Variants in R3HDM1 observed in about 807,000 individuals in gnomAD.
The protein encoded by R3HDM1 is R3H domain containing 1.
Under a neutral mutation model 141.1 loss-of-function variants are expected in R3HDM1, and 46 were observed. The observed-to-expected ratio is 0.33, with a 90% CI of 0.26 to 0.42. The LOEUF is 0.42. R3HDM1 is among the 10% of genes least tolerant of loss of function. The pLI, the probability that R3HDM1 is intolerant of heterozygous loss-of-function variation, is 1.00. For missense variants in R3HDM1, 1,184 were observed against 1,368.3 expected, an observed-to-expected ratio of 0.87 and a Z score of 2.12; for synonymous variants, 435 against 472.9, an observed-to-expected ratio of 0.92 and a Z score of 1.04.
chr2:135,712,428 ATTTT>A (rs34713048), intron 23 of R3HDM1, among the ~76,000 whole-genome samples: 1 of 104,032 alleles, frequency 9.6e-6, no homozygotes. Context: ...TGCCCAACTA[ATTTT>A]TTTTTTTTTT....
intron 15 of R3HDM1, among the ~76,000 whole-genome samples, chr2:135,643,972 G>A (rs570963568): frequency 6.6e-6 from 1 of 152,214 alleles, no homozygotes; most frequent in South Asian, 2.1e-4. Context: ...GAAGGTGGAG[G>A]GTGGGAGGAA....
At chr2:135,562,311 TG>T (rs1354839108) in intron 1 of R3HDM1, among the ~76,000 whole-genome samples, 6 of 152,248 alleles carry the variant, frequency 3.9e-5, no homozygotes, top group African/African-American at 1.4e-4. Context: ...ATAGGATATT[TG>T]GTCAAGAACT....
chr2:135,667,295 T>TA (rs200284798), intron 19 of R3HDM1: 10,014 of 858,468 alleles, frequency 0.012, 78 homozygotes, highest in Admixed American at 0.03. Flanking sequence ...CTAGTTCTCT[T>TA]AGCTTGCAGA....
At chr2:135,690,086 C>T (rs2105376983) in intron 21 of R3HDM1, among the ~76,000 whole-genome samples, 1 of 152,076 alleles carries the variant, frequency 6.6e-6, no homozygotes, top group Non-Finnish European at 1.5e-5. Context: ...AAAAGAAAAC[C>T]TACTTTTAAG....
chr2:135,581,584 T>C (rs1022709653), intron 1 of R3HDM1, among the ~76,000 whole-genome samples: 4 of 152,206 alleles, frequency 2.6e-5, no homozygotes, highest in African/African-American at 4.8e-5. Flanking sequence ...ATTTGCTTAA[T>C]GCTTGTTTAC....
chr2:135,597,371 A>G, intron 1 of R3HDM1: 2 of 700,488 alleles, frequency 2.9e-6, no homozygotes, highest in Non-Finnish European at 3.5e-6. Context: ...ACTGTTTACA[A>G]ATCACATGCA....
chr2:135,551,793 G>A (rs1220867842), intron 1 of R3HDM1, among the ~76,000 whole-genome samples: 1 of 152,096 alleles, frequency 6.6e-6, no homozygotes, highest in African/African-American at 2.4e-5. Context: ...AATTTTTTGA[G>A]TGAAATGTCA....
chr2:135,723,278 C>T (rs1189796652), intron 26 of R3HDM1, among the ~76,000 whole-genome samples: 2 of 151,664 alleles, frequency 1.3e-5, no homozygotes, highest in African/African-American at 2.4e-5. Context: ...CCCACCAGCA[C>T]GCCCAGCTAA....
At chr2:135,633,422 A>G (rs979757557) in intron 9 of R3HDM1, among the ~76,000 whole-genome samples, 1 of 152,226 alleles carries the variant, frequency 6.6e-6, no homozygotes, top group African/African-American at 2.4e-5. Flanking sequence ...AATACAGTGT[A>G]ACCTCAGTTA....
chr2:135,547,972 C>T (rs2104917765), intron 1 of R3HDM1, among the ~76,000 whole-genome samples: 1 of 152,064 alleles, frequency 6.6e-6, no homozygotes, highest in African/African-American at 2.4e-5. Context: ...CAGGGTTTCA[C>T]CATGTTGGAC....
Position 135,582,198 on chromosome 2 carries a change from C to T in R3HDM1, c.-249-20302C>T, listed in dbSNP as rs553710647. On this transcript the variant is annotated intron_variant, in intron 1 of 26. Transcript: ENST00000683871. ...CAAAAAAATTAGCCAGGCATGGTGG[C>T]GCACACCTGTAATCCCAGCTACTTA... 4.1e-4 allele frequency among the ~76,000 whole-genome samples: 63 copies of T among 152,132 alleles called. 1 individual carries two copies. The highest frequency in any genetic ancestry group is 1.4e-3 in the African/African-American group (58 of 41,506).
In R3HDM1 at chr2:135,712,410, C is replaced by T. The variant is rs2075750757; in HGVS notation, c.2736+2179C>T. On this transcript the variant is annotated intron_variant, in intron 23 of 26. Coordinates refer to ENST00000683871, the MANE Select transcript of R3HDM1 (RefSeq NM_001378107.1). ...ACTTGAGTAGCTGAGACCGCATGCA[C>T]ACCACCATGCCCAACTAATTTTTTT... Among the ~76,000 whole-genome samples, 3 of 149,750 alleles carry T rather than the reference C, an allele frequency of 2.0e-5. No homozygotes were observed. In the South Asian group the frequency reaches 6.3e-4, roughly 32 times the overall value.
intron 19 of R3HDM1, among the ~76,000 whole-genome samples, chr2:135,665,138 CT>C: frequency 6.6e-6 from 1 of 152,326 alleles, no homozygotes; most frequent in South Asian, 2.1e-4. Flanking sequence ...GATCAGATTA[CT>C]TACCAGTTTC....
Position 135,721,627 on chromosome 2 carries a change from A to G in R3HDM1, c.2882-297A>G, listed in dbSNP as rs566579622. The G allele has an allele frequency of 2.3e-5, 5 of 212,900 alleles. No homozygotes were observed. The East Asian group carries it at 5.0e-4, about 21-fold the overall frequency. 13.2% of individuals were successfully genotyped at this position (212,900 alleles called of 1,614,324 possible). A position where few individuals can be genotyped will look rare whatever the true frequency, so the allele number is the denominator to read the frequency against. ...TTTTGAGACAGTCTCTCACTCCGTC[A>G]CCCAGTCTGGAATATAGTGGCGCCA... On this transcript the variant is annotated intron_variant, in intron 24 of 26. Coordinates refer to ENST00000683871, the MANE Select transcript of R3HDM1 (RefSeq NM_001378107.1).
rs144638624 is a variant in R3HDM1 at position 135,536,155 on chromosome 2, TAAG to T, written c.-250+4524_-250+4526del. On this transcript the variant is annotated intron_variant, in intron 1 of 26. Coordinates refer to ENST00000683871, the MANE Select transcript of R3HDM1 (RefSeq NM_001378107.1). Reference sequence around the variant, plus strand: ...CCCCTTATTTCATTTTTTATTTTTTTAAGAGACAGGGATTCACCCTGTCACCCA... The same window carrying T: ...CCCCTTATTTCATTTTTTATTTTTTTAGACAGGGATTCACCCTGTCACCCA... Among the ~76,000 whole-genome samples, 1,488 of 152,236 alleles carry T rather than the reference TAAG, an allele frequency of 9.8e-3. 23 individuals are homozygous for T. Among genetic ancestry groups the T allele is most frequent in the African/African-American group, 0.034 (1,419 of 41,510 alleles).
At chr2:135,607,276 C>T (rs919728986) in intron 3 of R3HDM1, 6 of 984,702 alleles carry the variant, frequency 6.1e-6, no homozygotes, top group Admixed American at 1.2e-4. Flanking sequence ...CGTGAGCCAC[C>T]GCTGCTGGCC....
At chr2:135,688,299 G>A (rs313528) in intron 21 of R3HDM1, among the ~76,000 whole-genome samples, 74,771 of 152,040 alleles carry the variant, frequency 0.49, 23,096 homozygotes, top group East Asian at 0.88. Context: ...CAGTGTTAAC[G>A]AATCAACAAT....
In R3HDM1 at chr2:135,616,692, C is replaced by A; in HGVS notation, c.238C>A (p.Arg80=). 6.2e-7 allele frequency: 1 copy of A among 1,608,250 alleles called. No homozygotes were observed. Among genetic ancestry groups the A allele is most frequent in the Non-Finnish European group, 8.5e-7 (1 of 1,176,454 alleles). Residue 80 remains arginine (R), a synonymous_variant, in exon 5 of 27, where the codon CGG becomes AGG. Coordinates refer to ENST00000683871, the MANE Select transcript of R3HDM1 (RefSeq NM_001378107.1). ...SKSSSKLKLV[R]SLAVCEESPP... is the part of the protein sequence containing the mutation. Reference sequence around the variant, plus strand: ...GTCAAGCTCAAAGTTAAAGCTAGTTCGGAGCCTTGCAGTGTGTGAAGAATC... The same window carrying A: ...GTCAAGCTCAAAGTTAAAGCTAGTTAGGAGCCTTGCAGTGTGTGAAGAATC...
At position 135,624,286 on chromosome 2, in the gene R3HDM1, G is replaced by A. The variant is rs182429730; in HGVS notation, c.497+1554G>A. Among the ~76,000 whole-genome samples the A allele has an allele frequency of 3.3e-5, 5 of 151,810 alleles. No homozygotes were observed. The East Asian group carries it at 7.8e-4, about 24-fold the overall frequency. ...GGCGGGTGCCTGTAGTCCCAGCTGC[G>A]TGGGAGGCTGAGGCAGGGGAATGGT... On this transcript the variant is annotated intron_variant, in intron 7 of 26. Coordinates refer to ENST00000683871, the MANE Select transcript of R3HDM1 (RefSeq NM_001378107.1).
Sources: allele counts gnomAD v4.1 joint callset (sites outside exome capture counted in the v4.1 genomes callset), GRCh38; gene constraint gnomAD v4.1.1; transcripts MANE v1.5; gene names NCBI Gene and HGNC (gene_info 2026-07-23, HGNC 2026-07-21).